Variants in FDX1 observed in about 807,000 individuals in gnomAD.
The protein encoded by FDX1 is ferredoxin 1, also known as adrenodoxin, mitochondrial.
A neutral mutation model predicts 14.9 loss-of-function variants in FDX1; 9 were observed. The ratio of observed to expected loss-of-function variants is 0.60; its 90% CI spans 0.36 to 1.05. FDX1 has a LOEUF of 1.05. FDX1 is among the 50% of genes least tolerant of loss of function. The probability of loss-of-function intolerance (pLI) is 0.01; values close to 1 mark genes in which losing one functional copy is unlikely to be tolerated. For synonymous variants in FDX1, 92 were observed against 99.4 expected, an observed-to-expected ratio of 0.93 and a Z score of 0.44; for missense variants, 204 against 237.2, an observed-to-expected ratio of 0.86 and a Z score of 0.92.
At chr11:110,430,781 C>A (rs1946325622) in intron 1 of FDX1, among the ~76,000 whole-genome samples, 1 of 152,216 alleles carries the variant, frequency 6.6e-6, no homozygotes, top group Non-Finnish European at 1.5e-5. Flanking sequence ...CACCCAGGTC[C>A]CAGGTCTTTG....
intron 2 of FDX1, among the ~76,000 whole-genome samples, chr11:110,444,640 GT>G (rs1946426591): frequency 1.9e-5 from 2 of 105,866 alleles, no homozygotes; most frequent in Non-Finnish European, 3.6e-5. Context: ...ATATGTGTGT[GT>G]GTGTGTGTGT....
chr11:110,444,710 ATATATATATATACG>A (rs1565381979), intron 2 of FDX1, among the ~76,000 whole-genome samples: 1 of 76,366 alleles, frequency 1.3e-5, no homozygotes, highest in African/African-American at 6.2e-5. Context: ...ATATACGTAT[ATATATATATATACG>A]TATATATATA....
chr11:110,430,783 A>G (rs1279267661), intron 1 of FDX1, among the ~76,000 whole-genome samples: 1 of 152,110 alleles, frequency 6.6e-6, no homozygotes, highest in Admixed American at 6.5e-5. Flanking sequence ...CCCAGGTCCC[A>G]GGTCTTTGTC....
chr11:110,462,285 A>G (rs1316272756), intron 3 of FDX1, 69 bp from the exon 4 acceptor site: 6 of 821,408 alleles, frequency 7.3e-6, no homozygotes, highest in Non-Finnish European at 1.2e-5. Flanking sequence ...AGACTATCTT[A>G]AACAACTGCA....
Position 110,457,433 on chromosome 11 carries a change from A to G in FDX1, c.440+386A>G, listed in dbSNP as rs557219163. Among the ~76,000 whole-genome samples the G allele has an allele frequency of 1.4e-4, 21 of 152,278 alleles. 1 individual carries two copies. In the South Asian group the frequency reaches 2.9e-3, roughly 21 times the overall value. On this transcript the variant is annotated intron_variant, in intron 3 of 3. Transcript: ENST00000260270. ...CCTATTAGAACAGAATTTTTAAAGA[A>G]ACTTAATATATAATAGTAATTATGT...
At chr11:110,439,711 G>A (rs182299093) in intron 2 of FDX1, among the ~76,000 whole-genome samples, 1 of 152,166 alleles carries the variant, frequency 6.6e-6, no homozygotes, top group Non-Finnish European at 1.5e-5. Flanking sequence ...TGTTTTTGTT[G>A]CAATTGATTT....
Position 110,436,285 on chromosome 11 carries a change from G to A in FDX1, c.310+327G>A, listed in dbSNP as rs539593599. 2.6e-3 allele frequency among the ~76,000 whole-genome samples: 389 copies of A among 152,200 alleles called. 10 individuals are homozygous for A. The highest frequency in any genetic ancestry group is 1.5e-3 in the East Asian group (8 of 5,182). On this transcript the variant is annotated intron_variant, in intron 2 of 3. Transcript: ENST00000260270. ...AGAATAAATGTCATAGCACAGAGGG[G>A]TACTTAAATATCTTGAATGTCAGCT...
intron 2 of FDX1, among the ~76,000 whole-genome samples, chr11:110,455,041 C>A (rs888455263): frequency 1.1e-4 from 17 of 152,194 alleles, no homozygotes; most frequent in African/African-American, 4.1e-4. Flanking sequence ...GAGTCTCACT[C>A]TGTCGCCCAG....
At chr11:110,436,269 G>A (rs1946368586) in intron 2 of FDX1, among the ~76,000 whole-genome samples, 2 of 152,150 alleles carry the variant, frequency 1.3e-5, no homozygotes, top group South Asian at 4.1e-4. Flanking sequence ...GAGAATAAAT[G>A]TCATAGCACA....
At position 110,434,334 on chromosome 11, in the gene FDX1, A is replaced by ATTTGCTTTTTT. The variant is rs71476086; in HGVS notation, c.186-1497_186-1496insGCTTTTTTTTT. On this transcript the variant is annotated intron_variant, in intron 1 of 3. Transcript: ENST00000260270. ...CACTGGAAAAGCAATCGCCCTATTG[A>ATTTGCTTTTTT]TTTTTTTTTTTTTTTTTTTGGAGAC... Among the ~76,000 whole-genome samples the ATTTGCTTTTTT allele has an allele frequency of 2.3e-4, 29 of 126,364 alleles. 1 individual carries two copies. Among genetic ancestry groups the ATTTGCTTTTTT allele is most frequent in the East Asian group, 9.8e-4 (4 of 4,094 alleles). 82.9% of individuals were successfully genotyped at this position (126,364 alleles called of 152,430 possible).
intron 2 of FDX1, among the ~76,000 whole-genome samples, chr11:110,444,733 T>TAC (rs1946437013): frequency 4.5e-5 from 3 of 66,950 alleles, no homozygotes; most frequent in African/African-American, 2.2e-4. Flanking sequence ...CGTATATATA[T>TAC]ATATATATAT....
chr11:110,456,921 C>A lies in FDX1; in HGVS notation c.314C>A (p.Ala105Glu), dbSNP rs762764221. The stretch of plus-strand genomic sequence containing the variant: ...CAGTGTTTGTTGCTTTTGTCAGGTG[C>A]ATGTGAGGGAACCCTGGCTTGTTCA... Reference protein sequence around the residue: ...ENNLDIDGFGACEGTLACSTC... With the variant: ...ENNLDIDGFGECEGTLACSTC... The change falls in exon 3 of 4, where the codon GCA becomes GAA. Residue 105 changes from alanine to glutamate, a missense_variant. Ala to Glu is a moderately radical substitution (Grantham distance 107, BLOSUM62 -1). Transcript: ENST00000260270. 1.9e-6 allele frequency: 3 copies of A among 1,610,328 alleles called. No individual in the cohort carries two copies. The highest frequency in any genetic ancestry group is 2.5e-6 in the Non-Finnish European group (3 of 1,178,154).
chr11:110,452,273 A>G (rs1591252953), intron 2 of FDX1, among the ~76,000 whole-genome samples: 1 of 152,108 alleles, frequency 6.6e-6, no homozygotes, highest in South Asian at 2.1e-4. Flanking sequence ...TTGTTCTTCC[A>G]AAGACACTGT....
At chr11:110,444,679 TATATAC>T (rs1192092344) in intron 2 of FDX1, among the ~76,000 whole-genome samples, 14 of 69,712 alleles carry the variant, frequency 2.0e-4, no homozygotes, top group Admixed American at 7.1e-4. Context: ...TATATATATA[TATATAC>T]ACGTATATAT....
At chr11:110,444,379 G>T (rs1467822868) in intron 2 of FDX1, among the ~76,000 whole-genome samples, 2 of 151,864 alleles carry the variant, frequency 1.3e-5, no homozygotes, top group African/African-American at 4.8e-5. Flanking sequence ...ACTTTGGGAG[G>T]CCAAGGCAGG....
At chr11:110,442,976 AG>A (rs937324546) in intron 2 of FDX1, among the ~76,000 whole-genome samples, 3 of 152,074 alleles carry the variant, frequency 2.0e-5, no homozygotes, top group African/African-American at 7.2e-5. Context: ...TTATAAGGGG[AG>A]GGGGGTTCCC....
intron 2 of FDX1, among the ~76,000 whole-genome samples, chr11:110,444,719 T>TAC (rs1369550675): frequency 2.3e-4 from 15 of 65,718 alleles, no homozygotes; most frequent in African/African-American, 1.1e-3. Context: ...TATATATATA[T>TAC]ATACGTATAT....
intron 2 of FDX1, among the ~76,000 whole-genome samples, chr11:110,448,923 C>T (rs7124843): frequency 0.22 from 32,871 of 151,926 alleles, 4,041 homozygotes; most frequent in African/African-American, 0.33. Context: ...TAAACAAATC[C>T]CTGCCATCCT....
At chr11:110,455,599 T>A (rs557826585) in intron 2 of FDX1, among the ~76,000 whole-genome samples, 58 of 152,314 alleles carry the variant, frequency 3.8e-4, no homozygotes, top group African/African-American at 1.3e-3. Flanking sequence ...TGCACGCCTC[T>A]GTTGTCAGGT....
Sources: gnomAD v4.1 joint callset for allele counts (sites outside exome capture counted in the v4.1 genomes callset) on GRCh38, gnomAD v4.1.1 for gene constraint, MANE v1.5 for transcripts, NCBI Gene and HGNC (gene_info 2026-07-23, HGNC 2026-07-21) for gene names.